Variants in ARHGAP35 observed in about 807,000 individuals in gnomAD.
ARHGAP35 encodes the protein rho GTPase-activating protein 35.
ARHGAP35 carries 15 observed loss-of-function variants against 111.1 expected under a neutral mutation model. The ratio of observed to expected loss-of-function variants is 0.13; its 90% confidence interval spans 0.09 to 0.21. The LOEUF is 0.21. Among genes scored for constraint, ARHGAP35 ranks in the 10% least tolerant of loss-of-function variants. The pLI is 1.00. For synonymous variants in ARHGAP35, 643 were observed against 710.3 expected, an observed-to-expected ratio of 0.91 and a Z score of 1.51; for missense variants, 1,262 against 1,873.0, an observed-to-expected ratio of 0.67 and a Z score of 6.02.
rs553127776 is a variant in ARHGAP35 at position 46,984,460 on chromosome 19, G to A, written c.3827-3529G>A. On this transcript the variant is annotated intron_variant, in intron 3 of 6. Transcript: ENST00000672722. ...GCAAGCTGCCCGTGCTCTTTCCAGC[G>A]TCCTGTTTCTCACCTGGGTTGCCAG... 9.2e-5 allele frequency among the ~76,000 whole-genome samples: 14 copies of A among 152,300 alleles called. No homozygotes were observed. In the East Asian group the frequency reaches 1.5e-3, roughly 17 times the overall value.
At position 46,981,875 on chromosome 19, in the gene ARHGAP35, A is replaced by T. The variant is rs531385249; in HGVS notation, c.3827-6114A>T. ...TTGTTTTGTTTTGTTTTGTTTTGAG[A>T]TAGGGTCTCACTCTGTCTCCCAAGC... is the stretch of plus-strand genomic sequence containing the variant. On this transcript the variant is annotated intron_variant, in intron 3 of 6. Coordinates refer to ENST00000672722, the MANE Select transcript of ARHGAP35 (RefSeq NM_004491.5). Among the ~76,000 whole-genome samples the T allele has an allele frequency of 5.2e-4, 70 of 135,786 alleles. 1 individual carries two copies. The East Asian group carries it at 0.014, about 27-fold the overall frequency. 89.1% of individuals were successfully genotyped at this position (135,786 alleles called of 152,430 possible).
At chr19:46,934,604 T>G (rs1599831076) in intron 2 of ARHGAP35, among the ~76,000 whole-genome samples, 1 of 151,660 alleles carries the variant, frequency 6.6e-6, no homozygotes, top group African/African-American at 2.4e-5. Flanking sequence ...TGATCTCAGG[T>G]GATCCGCCCG....
At position 46,861,153 on chromosome 19, in the gene ARHGAP35, C is replaced by T. The variant is rs2055824033; in HGVS notation, c.-245C>T. 6.6e-6 allele frequency among the ~76,000 whole-genome samples: 1 copy of T among 151,682 alleles called. No homozygotes were observed. Among genetic ancestry groups the T allele is most frequent in the African/African-American group, 2.4e-5 (1 of 41,362 alleles). On this transcript the variant is annotated 5_prime_UTR_variant, in exon 1 of 7. Transcript: ENST00000672722. Reference sequence around the variant, plus strand: ...GAGCAGGGGAACATGGCGCCGGGGCCCCCGTCGTTGCTGCCGGGATTTTGG... The same window carrying T: ...GAGCAGGGGAACATGGCGCCGGGGCTCCCGTCGTTGCTGCCGGGATTTTGG...
At chr19:46,868,857 C>T (rs554192944) in intron 1 of ARHGAP35, among the ~76,000 whole-genome samples, 13 of 131,508 alleles carry the variant, frequency 9.9e-5, no homozygotes, top group African/African-American at 3.8e-4. Context: ...AGAAATACAT[C>T]TTTCCTCTTG....
At chr19:46,963,168 T>C (rs1452609820) in intron 3 of ARHGAP35, among the ~76,000 whole-genome samples, 1 of 152,122 alleles carries the variant, frequency 6.6e-6, no homozygotes, top group Non-Finnish European at 1.5e-5. Context: ...CGTCCAGGAT[T>C]CCTTTACTTT....
At chr19:46,884,439 C>T (rs1235635840) in intron 1 of ARHGAP35, among the ~76,000 whole-genome samples, 1 of 150,438 alleles carries the variant, frequency 6.6e-6, no homozygotes, top group Non-Finnish European at 1.5e-5. Context: ...CACAGGCCAG[C>T]TGTTTAACTT....
chr19:46,861,351 C>T (rs932149058), intron 1 of ARHGAP35, among the ~76,000 whole-genome samples, 142 bp downstream of exon 1: 3 of 149,966 alleles, frequency 2.0e-5, no homozygotes, highest in South Asian at 2.1e-4. Context: ...CGGCCCCCCC[C>T]CCAGCCCCCC....
In ARHGAP35 at chr19:46,953,882, CGTT is replaced by C. The variant is rs201655452; in HGVS notation, c.3826+16478_3826+16480del. On this transcript the variant is annotated intron_variant, in intron 3 of 6. Transcript: ENST00000672722. ...TTCACACGGTGTCGTGCCTCTGCGT[CGTT>C]GTTAAACACTGTTCCTGCTGCCTAA... Among the ~76,000 whole-genome samples the C allele has an allele frequency of 6.0e-3, 910 of 152,304 alleles. 4 individuals carry two copies. The highest frequency in any genetic ancestry group is 0.02 in the South Asian group (98 of 4,822).
At chr19:46,987,391 T>G (rs2056656623) in intron 3 of ARHGAP35, among the ~76,000 whole-genome samples, 1 of 151,262 alleles carries the variant, frequency 6.6e-6, no homozygotes, top group Admixed American at 6.6e-5. Context: ...GATTTTGTAT[T>G]TTTAGTAGAG....
In ARHGAP35 at chr19:46,999,595, C is replaced by T. The variant is rs1371799611; in HGVS notation, c.4142+186C>T. ...CCCAGAGCCTCTGCCTCTCGCCCATCCTCAGGCCTCCCTCCTGCTCCTGTC... is the reference window on the plus strand; with the variant it reads ...CCCAGAGCCTCTGCCTCTCGCCCATTCTCAGGCCTCCCTCCTGCTCCTGTC... On this transcript the variant is annotated intron_variant, in intron 6 of 6. Coordinates refer to ENST00000672722, the MANE Select transcript of ARHGAP35 (RefSeq NM_004491.5). This position sits in a 1 kb window ranked among gnomAD's most constrained non-coding sequence, Gnocchi z 5.4. 5.1e-6 allele frequency: 3 copies of T among 587,380 alleles called. No individual in the cohort carries two copies. The highest frequency in any genetic ancestry group is 3.0e-5 in the Admixed American group (1 of 33,642). 36.4% of individuals were successfully genotyped at this position (587,380 alleles called of 1,614,324 possible).
At chr19:46,884,861 G>A (rs1294839483) in intron 1 of ARHGAP35, among the ~76,000 whole-genome samples, 2 of 152,166 alleles carry the variant, frequency 1.3e-5, no homozygotes, top group East Asian at 3.9e-4. Flanking sequence ...GACTACAGGT[G>A]CGCACCCACC....
In ARHGAP35 at chr19:47,000,096, G is replaced by A. The variant is rs564747415; in HGVS notation, c.4143-235G>A. Among the ~76,000 whole-genome samples, 1 of 152,186 alleles carries A rather than the reference G, an allele frequency of 6.6e-6. No individual in the cohort carries two copies. Among genetic ancestry groups the A allele is most frequent in the African/African-American group, 2.4e-5 (1 of 41,440 alleles). On this transcript the variant is annotated intron_variant, in intron 6 of 6. Coordinates refer to ENST00000672722, the MANE Select transcript of ARHGAP35 (RefSeq NM_004491.5). The surrounding 1 kb of genome is among the most constrained non-coding windows in gnomAD (Gnocchi z 6.9). ...GGTCCATCCACCCCCAGGGGTTTGCGGGGCTCCAGGCAGCCTTTCCGAGGT... is the reference window on the plus strand; with the variant it reads ...GGTCCATCCACCCCCAGGGGTTTGCAGGGCTCCAGGCAGCCTTTCCGAGGT...
chr19:46,905,259 G>A (rs2056100542), intron 1 of ARHGAP35, among the ~76,000 whole-genome samples: 1 of 152,180 alleles, frequency 6.6e-6, no homozygotes. Flanking sequence ...TGGGCGTGGT[G>A]GCTCACGCCT....
chr19:46,891,442 T>G (rs1337449075), intron 1 of ARHGAP35, among the ~76,000 whole-genome samples: 1 of 151,686 alleles, frequency 6.6e-6, no homozygotes, highest in African/African-American at 2.4e-5. Context: ...TTGTTTTTTT[T>G]TTTTAGATGG....
Position 46,999,460 on chromosome 19 carries a change from A to C in ARHGAP35, c.4142+51A>C. On this transcript the variant is annotated intron_variant, in intron 6 of 6. Coordinates refer to ENST00000672722, the MANE Select transcript of ARHGAP35 (RefSeq NM_004491.5). The surrounding 1 kb of genome is among the most constrained non-coding windows in gnomAD (Gnocchi z 5.4). The stretch of plus-strand genomic sequence containing the variant: ...TTTTTCCTCCTGAAAATTGACAGCC[A>C]GGGTCAGTGTGTCGCAGAACAAGGC... 8.3e-7 allele frequency: 1 copy of C among 1,205,878 alleles called. No homozygotes were observed. 74.7% of individuals were successfully genotyped at this position (1,205,878 alleles called of 1,614,324 possible). A position where few individuals can be genotyped will look rare whatever the true frequency, so the allele number is the denominator to read the frequency against.
At chr19:46,873,001 A>G (rs1317261458) in intron 1 of ARHGAP35, among the ~76,000 whole-genome samples, 1 of 152,196 alleles carries the variant, frequency 6.6e-6, no homozygotes, top group Non-Finnish European at 1.5e-5. Flanking sequence ...CCTCTGGGGT[A>G]GGTGGTATTC....
rs779364157 is a variant in ARHGAP35 at position 46,921,567 on chromosome 19, C to T, written c.2892C>T (p.Thr964=). Residue 964 remains threonine (T), a synonymous_variant, in exon 2 of 7, where the codon ACC becomes ACT. Transcript: ENST00000672722. The surrounding 1 kb of genome is among the most constrained non-coding windows in gnomAD (Gnocchi z 4.3). ...YDNAAEACST[T]EEVFNSPRAG... is the part of the protein sequence containing the mutation. ...ATGCTGCCGAGGCCTGTAGCACCAC[C>T]GAAGAGGTGTTTAACTCCCCCCGGG... 2.2e-5 allele frequency: 36 copies of T among 1,613,850 alleles called. No individual in the cohort carries two copies. The highest frequency in any genetic ancestry group is 1.3e-4 in the African/African-American group (10 of 74,914).
At chr19:46,866,518 C>T (rs1393957239) in intron 1 of ARHGAP35, among the ~76,000 whole-genome samples, 1 of 152,190 alleles carries the variant, frequency 6.6e-6, no homozygotes, top group Non-Finnish European at 1.5e-5. Context: ...TGGGCTTCAC[C>T]TTCCTAGTCT....
chr19:46,876,056 G>A (rs1259076767), intron 1 of ARHGAP35, among the ~76,000 whole-genome samples: 1 of 152,118 alleles, frequency 6.6e-6, no homozygotes, highest in Admixed American at 6.6e-5. Context: ...CTCCGACAAG[G>A]CCCTTTAAAC....
Sources: allele counts gnomAD v4.1 joint callset (sites outside exome capture counted in the v4.1 genomes callset), GRCh38; gene constraint gnomAD v4.1.1; non-coding constraint Gnocchi (gnomAD v3.1); transcripts MANE v1.5; gene names NCBI Gene and HGNC (gene_info 2026-07-23, HGNC 2026-07-21).